SLC9A9: variants seen among roughly 807,000 people sequenced by gnomAD.
SLC9A9 encodes the protein solute carrier family 9 member A9.
SLC9A9 carries 62 observed loss-of-function variants against 77.8 expected under a neutral mutation model. That is an observed-to-expected ratio of 0.80 (90% confidence interval 0.65 to 0.98). The LOEUF is 0.98. Ranked by LOEUF, SLC9A9 falls within the 50% of genes least tolerant of loss-of-function variation. The pLI, the probability that SLC9A9 is intolerant of heterozygous loss-of-function variation, is 0.00. For synonymous variants in SLC9A9, 320 were observed against 283.5 expected (o/e 1.13, Z -1.29); for missense variants, 775 against 774.9 (o/e 1.00, Z 0.00).
chr3:143,378,247 G>T (rs546057431), intron 13 of SLC9A9, among the ~76,000 whole-genome samples: 2 of 152,302 alleles, frequency 1.3e-5, no homozygotes, highest in African/African-American at 2.4e-5. Flanking sequence ...CCGTAGGAGT[G>T]GGTACCAAGA....
chr3:143,539,961 AC>A (rs553380630), intron 9 of SLC9A9, among the ~76,000 whole-genome samples: 33 of 152,106 alleles, frequency 2.2e-4, no homozygotes, highest in Non-Finnish European at 4.7e-4. Flanking sequence ...AGAATACAAA[AC>A]CATGATTTGG....
At chr3:143,731,946 A>G (rs1934814684) in intron 4 of SLC9A9, among the ~76,000 whole-genome samples, 1 of 152,204 alleles carries the variant, frequency 6.6e-6, no homozygotes, top group African/African-American at 2.4e-5. Flanking sequence ...CTTGCCTGCC[A>G]TCTGTTCAGC....
At chr3:143,677,177 A>G (rs1932911008) in intron 5 of SLC9A9, among the ~76,000 whole-genome samples, 1 of 152,208 alleles carries the variant, frequency 6.6e-6, no homozygotes, top group Admixed American at 6.5e-5. Flanking sequence ...CTGGAAGAAA[A>G]AAAAGCACTT....
rs539909119 is a variant in SLC9A9 at position 143,797,877 on chromosome 3, ATT to A, written c.379-976_379-975del. 2.8e-3 allele frequency among the ~76,000 whole-genome samples: 427 copies of A among 152,246 alleles called. 1 individual carries two copies. Among genetic ancestry groups the A allele is most frequent in the Non-Finnish European group, 3.7e-3 (255 of 68,014 alleles). On this transcript the variant is annotated intron_variant, in intron 2 of 15. Transcript: ENST00000316549. The stretch of plus-strand genomic sequence containing the variant: ...GACTCAGCCCACCTGCACCCAGGTG[ATT>A]AAAAAGCTTTATTGCTCACACAAAG...
At chr3:143,759,159 A>G in intron 4 of SLC9A9, among the ~76,000 whole-genome samples, 1 of 152,212 alleles carries the variant, frequency 6.6e-6, no homozygotes, top group African/African-American at 2.4e-5. Flanking sequence ...ATCTGATCTC[A>G]TTAGGCTCCC....
intron 4 of SLC9A9, among the ~76,000 whole-genome samples, chr3:143,761,401 AG>A (rs1560067472): frequency 6.6e-6 from 1 of 152,236 alleles, no homozygotes; most frequent in East Asian, 1.9e-4. Context: ...CAGAGTGAAC[AG>A]GCAACCTACA....
intron 15 of SLC9A9, among the ~76,000 whole-genome samples, chr3:143,268,444 C>T (rs2108395064): frequency 6.6e-6 from 1 of 152,186 alleles, no homozygotes; most frequent in South Asian, 2.1e-4. Flanking sequence ...AAAAATGCTT[C>T]CTCCTCAGGC....
At chr3:143,576,775 C>G (rs1041231008) in intron 7 of SLC9A9, among the ~76,000 whole-genome samples, 1 of 152,150 alleles carries the variant, frequency 6.6e-6, no homozygotes, top group Non-Finnish European at 1.5e-5. Context: ...TTAGATGAGA[C>G]ACTCATGGAA....
intron 5 of SLC9A9, among the ~76,000 whole-genome samples, chr3:143,663,726 G>A (rs1321763006): frequency 6.6e-6 from 1 of 152,142 alleles, no homozygotes; most frequent in Non-Finnish European, 1.5e-5. Flanking sequence ...AGTGATGGAA[G>A]ATCAAATTAA....
chr3:143,401,273 C>T (rs976922250), intron 12 of SLC9A9, among the ~76,000 whole-genome samples: 1 of 152,144 alleles, frequency 6.6e-6, no homozygotes, highest in Non-Finnish European at 1.5e-5. Flanking sequence ...CTATCTACCC[C>T]ACCCAGCTAC....
At chr3:143,837,274 A>G (rs1461437649) in intron 1 of SLC9A9, among the ~76,000 whole-genome samples, 2 of 152,206 alleles carry the variant, frequency 1.3e-5, no homozygotes, top group African/African-American at 2.4e-5. Flanking sequence ...GAGCTTCCCC[A>G]GAGTTGCACA....
intron 15 of SLC9A9, among the ~76,000 whole-genome samples, chr3:143,267,844 T>G (rs1937775632): frequency 6.6e-6 from 1 of 152,244 alleles, no homozygotes; most frequent in African/African-American, 2.4e-5. Flanking sequence ...TCCACTGGCT[T>G]TGGGAAGGCC....
At chr3:143,699,845 C>T (rs1306634804) in intron 4 of SLC9A9, among the ~76,000 whole-genome samples, 1 of 152,022 alleles carries the variant, frequency 6.6e-6, no homozygotes, top group Non-Finnish European at 1.5e-5. Context: ...ACTGAAACAC[C>T]AGTCAGCGTG....
At chr3:143,648,458 A>G (rs2038740235) in intron 6 of SLC9A9, among the ~76,000 whole-genome samples, 1 of 152,182 alleles carries the variant, frequency 6.6e-6, no homozygotes, top group Non-Finnish European at 1.5e-5. Context: ...CTGATCTCAC[A>G]GAGGCGGAGC....
intron 2 of SLC9A9, among the ~76,000 whole-genome samples, chr3:143,830,073 T>A (rs2009398117): frequency 1.3e-5 from 2 of 152,224 alleles, no homozygotes; most frequent in South Asian, 4.2e-4. Context: ...AGGCTACAGG[T>A]TGTTCAGTTT....
intron 4 of SLC9A9, among the ~76,000 whole-genome samples, chr3:143,763,714 AT>A (rs112250510): frequency 0.055 from 8,008 of 146,508 alleles, 651 homozygotes; most frequent in African/African-American, 0.18. Flanking sequence ...AAAATGTTTG[AT>A]TTTTTTTTTT....
chr3:143,704,821 C>A (rs1933915075), intron 4 of SLC9A9, among the ~76,000 whole-genome samples: 1 of 151,982 alleles, frequency 6.6e-6, no homozygotes, highest in Admixed American at 6.6e-5. Flanking sequence ...GGAGAAACCC[C>A]ATCTCTACTA....
At chr3:143,380,948 A>G (rs16853527) in intron 13 of SLC9A9, among the ~76,000 whole-genome samples, 3,459 of 152,322 alleles carry the variant, frequency 0.023, 153 homozygotes, top group African/African-American at 0.078. Context: ...CGCTCATAAC[A>G]CAATTCATTA....
At chr3:143,565,709 G>GTTTT (rs1553767154) in intron 8 of SLC9A9, among the ~76,000 whole-genome samples, 3 of 147,856 alleles carry the variant, frequency 2.0e-5, no homozygotes, top group African/African-American at 7.5e-5. Flanking sequence ...GAGCCTCAGG[G>GTTTT]TTTTGTTTTT....
Sources: gnomAD v4.1 joint callset for allele counts (sites outside exome capture counted in the v4.1 genomes callset) on GRCh38, gnomAD v4.1.1 for gene constraint, MANE v1.5 for transcripts, NCBI Gene and HGNC (gene_info 2026-07-23, HGNC 2026-07-21) for gene names.